Variants in LRTM3 observed in about 807,000 individuals in gnomAD.
LRTM3 encodes leucine-rich repeat transmembrane protein 3.
At chr13:102,741,540 C>T in the LRTM3 span, 1 of 1,550,048 alleles carries the variant, frequency 6.5e-7, no homozygotes, top group African/African-American at 1.4e-5. Context: ...TCTTCTTCCT[C>T]AGTTACCTTT....
chr13:102,735,047 G>A, the LRTM3 span: 1 of 1,551,180 alleles, frequency 6.4e-7, no homozygotes, highest in Non-Finnish European at 8.7e-7. Context: ...CTGAAACCCT[G>A]TATTCACATT....
At chr13:102,737,512 C>T in the LRTM3 span, 17 of 1,550,418 alleles carry the variant, frequency 1.1e-5, no homozygotes, top group Non-Finnish European at 1.4e-5. Flanking sequence ...TGTTCCCTTG[C>T]TCCTCACCTT....
At chr13:102,745,679 T>C in the LRTM3 span, 3 of 1,551,080 alleles carry the variant, frequency 1.9e-6, no homozygotes, top group Non-Finnish European at 2.6e-6. Context: ...AATCGCTGTC[T>C]CTTTCTTTTC....
At chr13:102,738,279 C>T in the LRTM3 span, 1 of 1,550,904 alleles carries the variant, frequency 6.4e-7, no homozygotes, top group Non-Finnish European at 8.7e-7. Flanking sequence ...ATTGTGATAT[C>T]ACCCTTACTG....
chr13:102,745,991 C>T, the LRTM3 span: 2 of 1,551,044 alleles, frequency 1.3e-6, no homozygotes, highest in East Asian at 2.4e-5. Context: ...TAAGCCATCG[C>T]TGTTCTCCAG....
the LRTM3 span, chr13:102,740,148 G>C: frequency 6.5e-7 from 1 of 1,547,812 alleles, no homozygotes; most frequent in East Asian, 2.4e-5. Flanking sequence ...TTCTTCCCAA[G>C]TCTTAACTTG....
At chr13:102,743,483 A>G in the LRTM3 span, 1 of 1,548,824 alleles carries the variant, frequency 6.5e-7, no homozygotes, top group Non-Finnish European at 8.7e-7. Context: ...GATTTTATGT[A>G]TCTGTGAAAT....
At chr13:102,739,524 A>G in the LRTM3 span, 1 of 1,550,346 alleles carries the variant, frequency 6.5e-7, no homozygotes, top group Admixed American at 2.0e-5. Flanking sequence ...AAAGAAGTAC[A>G]CAAGTTTGTC....
chr13:102,755,842 T>A, the LRTM3 span, among the ~76,000 whole-genome samples: 109,817 of 146,252 alleles, frequency 0.75, 41,704 homozygotes, highest in South Asian at 0.84. Context: ...AATAAAAAAA[T>A]ACTATGTTCA....
chr13:102,737,642 A>G, the LRTM3 span: 4 of 1,550,316 alleles, frequency 2.6e-6, no homozygotes, highest in African/African-American at 1.4e-5. Context: ...TTCTGGATGC[A>G]TTAAGTCTTT....
the LRTM3 span, chr13:102,737,061 C>G: frequency 6.4e-7 from 1 of 1,550,980 alleles, no homozygotes; most frequent in Non-Finnish European, 8.7e-7. Flanking sequence ...TTTGTTAGTA[C>G]TTCTCTAGTT....
chr13:102,729,811 G>A, the LRTM3 span: 1 of 1,551,872 alleles, frequency 6.4e-7, no homozygotes, highest in Non-Finnish European at 8.7e-7. Flanking sequence ...GTGTACAACT[G>A]TAATCGTGGT....
At chr13:102,731,950 C>G in the LRTM3 span, 12 of 1,550,970 alleles carry the variant, frequency 7.7e-6, no homozygotes, top group Non-Finnish European at 1.0e-5. Flanking sequence ...AGACATCATG[C>G]TCTGGAACAA....
At chr13:102,746,191 A>T in the LRTM3 span, 3 of 1,550,850 alleles carry the variant, frequency 1.9e-6, no homozygotes, top group Non-Finnish European at 2.6e-6. Flanking sequence ...CCAGTGTTAA[A>T]CAGTTCAGCA....
At chr13:102,736,042 TCTGTC>T in the LRTM3 span, 2 of 1,548,656 alleles carry the variant, frequency 1.3e-6, no homozygotes, top group South Asian at 2.4e-5. Flanking sequence ...CTATTTTTAC[TCTGTC>T]CTTTGCCTCT....
the LRTM3 span, chr13:102,744,809 T>C: frequency 6.4e-7 from 1 of 1,550,820 alleles, no homozygotes; most frequent in Non-Finnish European, 8.7e-7. Flanking sequence ...CAAATTGGCC[T>C]TCTGTGCCTC....
the LRTM3 span, chr13:102,749,104 A>G: frequency 6.5e-7 from 1 of 1,549,798 alleles, no homozygotes; most frequent in Non-Finnish European, 8.7e-7. Flanking sequence ...CTTTCCTTTC[A>G]TGTAATTCTT....
At chr13:102,730,587 G>T in the LRTM3 span, 2 of 1,551,926 alleles carry the variant, frequency 1.3e-6, no homozygotes. Context: ...TGCAGATCAC[G>T]GTCAGAAGCA....
the LRTM3 span, chr13:102,734,438 G>T: frequency 9.7e-5 from 150 of 1,551,224 alleles, no homozygotes; most frequent in Non-Finnish European, 1.2e-4. Flanking sequence ...AATCATACCT[G>T]GTGGTTTATC....
Sources: allele counts gnomAD v4.1 joint callset (sites outside exome capture counted in the v4.1 genomes callset), GRCh38; gene constraint gnomAD v4.1.1; transcripts MANE v1.5; gene names NCBI Gene and HGNC (gene_info 2026-07-23, HGNC 2026-07-21).